Variants in ARHGAP35 observed in about 807,000 individuals in gnomAD.
The protein encoded by ARHGAP35 is rho GTPase-activating protein 35.
A neutral mutation model predicts 111.1 loss-of-function variants in ARHGAP35; 15 were observed. The observed-to-expected ratio is 0.13, with a 90% CI of 0.09 to 0.21. The LOEUF (loss-of-function observed/expected upper bound fraction) is 0.21, where lower values mean the gene tolerates loss of function less well. Among genes scored for constraint, ARHGAP35 ranks in the 10% least tolerant of loss-of-function variants. ARHGAP35 has a pLI of 1.00. For missense variants in ARHGAP35, 1,262 were observed against 1,873.0 expected (o/e 0.67, Z 6.02); for synonymous variants, 643 against 710.3 (o/e 0.91, Z 1.51).
At position 46,920,514 on chromosome 19, in the gene ARHGAP35, C is replaced by T; in HGVS notation, c.1839C>T (p.Ala613=). The part of the protein sequence containing the change: ...LGKDGLAREL[A]NEIRALCTND... The stretch of plus-strand genomic sequence containing the variant: ...AAGACGGCCTTGCCCGAGAGTTGGC[C>T]AATGAGATTCGAGCTCTTTGTACAA... Residue 613 remains alanine (A), a synonymous_variant, in exon 2 of 7, where the codon GCC becomes GCT. Coordinates refer to ENST00000672722, the MANE Select transcript of ARHGAP35 (RefSeq NM_004491.5). The surrounding 1 kb of genome is among the most constrained non-coding windows in gnomAD (Gnocchi z 7.0). 8 of 1,613,946 alleles carry T rather than the reference C, an allele frequency of 5.0e-6. No individual in the cohort carries two copies. The highest frequency in any genetic ancestry group is 6.8e-6 in the Non-Finnish European group (8 of 1,179,838).
chr19:46,964,745 G>T (rs1443792511), intron 3 of ARHGAP35, among the ~76,000 whole-genome samples: 1 of 152,130 alleles, frequency 6.6e-6, no homozygotes, highest in African/African-American at 2.4e-5. Flanking sequence ...ATGGAAGGGG[G>T]TTCTACCAGG....
In ARHGAP35 at chr19:46,994,620, GA is replaced by G. The variant is rs1331372165; in HGVS notation, c.4037-4683del. ...AGGATGGTGGTCAGGAGGGGAAACA[GA>G]GGCAGGGCCAGGAAGGCCTCGAGGA... On this transcript the variant is annotated intron_variant, in intron 5 of 6. Transcript: ENST00000672722. The surrounding 1 kb of genome is among the most constrained non-coding windows in gnomAD (Gnocchi z 5.4). 1.1e-4 allele frequency among the ~76,000 whole-genome samples: 17 copies of G among 152,282 alleles called. No homozygotes were observed. In the Middle Eastern group the frequency reaches 0.01, roughly 91 times the overall value.
Position 46,861,084 on chromosome 19 carries a change from C to A in ARHGAP35, c.-314C>A, listed in dbSNP as rs1051830768. Among the ~76,000 whole-genome samples the A allele has an allele frequency of 1.6e-4, 23 of 148,362 alleles. No individual in the cohort carries two copies. The highest frequency in any genetic ancestry group is 5.4e-4 in the African/African-American group (21 of 38,856). On this transcript the variant is annotated 5_prime_UTR_variant, in exon 1 of 7. Transcript: ENST00000672722. ...GCGAGGGAGGGTCCGCCCGGCCCCC[C>A]GCCGCCGGAGCCGCCGCCGCCGCCT...
At chr19:46,980,391 A>AAAC (rs1555765789) in intron 3 of ARHGAP35, among the ~76,000 whole-genome samples, 1 of 152,126 alleles carries the variant, frequency 6.6e-6, no homozygotes, top group African/African-American at 2.4e-5. Flanking sequence ...GTCATCTCAA[A>AAAC]AATAATAATA....
chr19:46,936,376 A>G (rs988685812), intron 2 of ARHGAP35, among the ~76,000 whole-genome samples: 1 of 152,182 alleles, frequency 6.6e-6, no homozygotes, highest in Non-Finnish European at 1.5e-5. Context: ...AGACAAAAAA[A>G]ATACTTTATT....
intron 3 of ARHGAP35, among the ~76,000 whole-genome samples, chr19:46,967,111 A>T (rs2056520112): frequency 6.9e-6 from 1 of 144,404 alleles, no homozygotes; most frequent in Non-Finnish European, 1.5e-5. Flanking sequence ...GGCTTTTCAG[A>T]TTTTTTTTTT....
Position 46,966,597 on chromosome 19 carries a change from AT to A in ARHGAP35, c.3827-21389del, listed in dbSNP as rs1189670982. On this transcript the variant is annotated intron_variant, in intron 3 of 6. Transcript: ENST00000672722. ...ACATCTTTGTAATGTATGGTCCTTC[AT>A]TTCAAAGTCATGACACCTCTCTGCT... Among the ~76,000 whole-genome samples the A allele has an allele frequency of 2.0e-5, 3 of 152,098 alleles. No homozygotes were observed. The East Asian group carries it at 5.8e-4, about 29-fold the overall frequency.
At chr19:46,861,638 C>T (rs2055828356) in intron 1 of ARHGAP35, among the ~76,000 whole-genome samples, 1 of 152,006 alleles carries the variant, frequency 6.6e-6, no homozygotes, top group Non-Finnish European at 1.5e-5. Context: ...ATTGACCATT[C>T]TGCATCTCTT....
intron 3 of ARHGAP35, among the ~76,000 whole-genome samples, chr19:46,959,608 C>T (rs954819059): frequency 3.3e-5 from 5 of 151,760 alleles, no homozygotes; most frequent in African/African-American, 9.7e-5. Context: ...CCATGTTGGC[C>T]AGGCTGGTCT....
chr19:46,976,987 T>C (rs1447329800), intron 3 of ARHGAP35, among the ~76,000 whole-genome samples: 1 of 152,188 alleles, frequency 6.6e-6, no homozygotes, highest in Admixed American at 6.5e-5. Context: ...TCCTGTTCAT[T>C]TCACCAAAGC....
At position 46,875,869 on chromosome 19, in the gene ARHGAP35, G is replaced by A. The variant is rs189473019; in HGVS notation, c.-189+14660G>A. Reference sequence around the variant, plus strand: ...TTGTACAACTTGTAATTTGCCCCCAGGTAGCAGATAGTTTGAAGGTCTTAT... The same window carrying A: ...TTGTACAACTTGTAATTTGCCCCCAAGTAGCAGATAGTTTGAAGGTCTTAT... On this transcript the variant is annotated intron_variant, in intron 1 of 6. Coordinates refer to ENST00000672722, the MANE Select transcript of ARHGAP35 (RefSeq NM_004491.5). 7.4e-3 allele frequency among the ~76,000 whole-genome samples: 1,123 copies of A among 152,188 alleles called. 9 individuals are homozygous for A. The highest frequency in any genetic ancestry group is 0.012 in the Non-Finnish European group (842 of 68,008).
intron 3 of ARHGAP35, among the ~76,000 whole-genome samples, chr19:46,938,289 G>A (rs2056322143): frequency 1.3e-5 from 2 of 152,206 alleles, no homozygotes; most frequent in South Asian, 4.1e-4. Flanking sequence ...CTGAGTGACA[G>A]TGTTCATATT....
chr19:46,976,247 A>C (rs996752694), intron 3 of ARHGAP35, among the ~76,000 whole-genome samples: 38 of 83,390 alleles, frequency 4.6e-4, no homozygotes, highest in Admixed American at 7.3e-4. Context: ...ATTCCTCACC[A>C]CCCTCCCGTT....
At chr19:46,864,969 C>T (rs1282702093) in intron 1 of ARHGAP35, among the ~76,000 whole-genome samples, 2 of 152,210 alleles carry the variant, frequency 1.3e-5, no homozygotes, top group Non-Finnish European at 2.9e-5. Flanking sequence ...TGAAAAGTTC[C>T]TGCATGCCAA....
chr19:46,999,200 A>G lies in ARHGAP35; in HGVS notation c.4037-104A>G, dbSNP rs2056732276. On this transcript the variant is annotated intron_variant, in intron 5 of 6. Transcript: ENST00000672722. This position sits in a 1 kb window ranked among gnomAD's most constrained non-coding sequence, Gnocchi z 5.4. ...GAAAGAGTGGGGTTAGTGTCATCCAAAAGCCCTGGGCTGTCCTCAGAGAAG... is the reference window on the plus strand; with the variant it reads ...GAAAGAGTGGGGTTAGTGTCATCCAGAAGCCCTGGGCTGTCCTCAGAGAAG... 3 of 741,788 alleles carry G rather than the reference A, an allele frequency of 4.0e-6. No homozygotes were observed. The highest frequency in any genetic ancestry group is 1.7e-5 in the South Asian group (1 of 57,784). The allele number at this position is 741,788 out of a possible 1,614,324, so 46.0% of individuals were successfully genotyped here. A position where few individuals can be genotyped will look rare whatever the true frequency, so the allele number is the denominator to read the frequency against.
chr19:46,910,137 T>C (rs1014238994), intron 1 of ARHGAP35, among the ~76,000 whole-genome samples: 27 of 152,166 alleles, frequency 1.8e-4, no homozygotes, highest in African/African-American at 5.8e-4. Context: ...TATTTTGAGA[T>C]GGTATCTAAC....
At chr19:46,935,115 G>A (rs547634487) in intron 2 of ARHGAP35, among the ~76,000 whole-genome samples, 6 of 152,312 alleles carry the variant, frequency 3.9e-5, no homozygotes, top group African/African-American at 1.4e-4. Context: ...TCTGAAGTCA[G>A]AGCCTGTTTG....
intron 3 of ARHGAP35, among the ~76,000 whole-genome samples, chr19:46,967,943 T>A (rs941248223): frequency 6.6e-6 from 1 of 152,212 alleles, no homozygotes; most frequent in African/African-American, 2.4e-5. Context: ...CTCCCTGCCA[T>A]GTCTGTCACG....
intron 1 of ARHGAP35, among the ~76,000 whole-genome samples, chr19:46,912,045 C>CT (rs952290963): frequency 0.013 from 1,790 of 139,922 alleles, 20 homozygotes; most frequent in Middle Eastern, 0.023. Flanking sequence ...CCCTTCTTTT[C>CT]TTTTTTTTTT....
Sources: allele counts gnomAD v4.1 joint callset (sites outside exome capture counted in the v4.1 genomes callset), GRCh38; gene constraint gnomAD v4.1.1; non-coding constraint Gnocchi (gnomAD v3.1); transcripts MANE v1.5; gene names NCBI Gene and HGNC (gene_info 2026-07-23, HGNC 2026-07-21).